ASPH: variants seen among roughly 807,000 people sequenced by gnomAD.
ASPH encodes aspartyl/asparaginyl beta-hydroxylase.
ASPH carries 100 observed loss-of-function variants against 118.4 expected under a neutral mutation model. That is an observed-to-expected ratio of 0.84 (90% CI 0.72 to 1.00). The LOEUF (loss-of-function observed/expected upper bound fraction) is 1.00, where lower values mean the gene tolerates loss of function less well. ASPH is among the 50% of genes least tolerant of loss of function. ASPH has a pLI of 0.00. For missense variants in ASPH, 920 were observed against 919.5 expected, an observed-to-expected ratio of 1.00 and a Z score of -0.01; for synonymous variants, 315 against 325.6, an observed-to-expected ratio of 0.97 and a Z score of 0.35.
intron 3 of ASPH, chr8:61,668,311 C>G (rs765169760): frequency 3.2e-6 from 5 of 1,554,848 alleles, no homozygotes; most frequent in Non-Finnish European, 4.4e-6. Context: ...AGGTTATAAA[C>G]AGAAAATTTA....
intron 3 of ASPH, chr8:61,676,324 A>T: frequency 6.3e-7 from 1 of 1,576,032 alleles, no homozygotes; most frequent in Non-Finnish European, 8.6e-7. Flanking sequence ...TCAGGCCTAC[A>T]TAAGAATAAA....
chr8:61,639,216 G>A (rs1803902328), intron 10 of ASPH, among the ~76,000 whole-genome samples: 1 of 152,058 alleles, frequency 6.6e-6, no homozygotes, highest in Admixed American at 6.5e-5. Context: ...ACTTAAAAAT[G>A]CAATACCACT....
chr8:61,643,810 TG>T (rs1266671694), intron 8 of ASPH, 134 bp downstream of exon 8: 1 of 735,652 alleles, frequency 1.4e-6, no homozygotes, highest in African/African-American at 1.8e-5. Flanking sequence ...TATAAACATC[TG>T]ACCAATCAAA....
chr8:61,620,264 C>G (rs548027182), intron 13 of ASPH, among the ~76,000 whole-genome samples: 10 of 152,274 alleles, frequency 6.6e-5, no homozygotes, highest in Admixed American at 3.3e-4. Flanking sequence ...TTACCTCCCT[C>G]TTTGTGCATA....
chr8:61,683,953 C>T, intron 2 of ASPH, 86 bp downstream of exon 2: 2 of 1,465,842 alleles, frequency 1.4e-6, no homozygotes, highest in East Asian at 4.5e-5. Flanking sequence ...TTACCAGTAC[C>T]AGAAAGATGA....
chr8:61,590,192 G>A (rs980189159), intron 14 of ASPH, among the ~76,000 whole-genome samples: 1 of 151,954 alleles, frequency 6.6e-6, no homozygotes, highest in Non-Finnish European at 1.5e-5. Flanking sequence ...TGTAGATATT[G>A]CTCAGGGATC....
At chr8:61,533,044 A>C (rs1281953951) in intron 21 of ASPH, among the ~76,000 whole-genome samples, 1 of 150,240 alleles carries the variant, frequency 6.7e-6, no homozygotes, top group Non-Finnish European at 1.5e-5. Flanking sequence ...CAACCTGAAA[A>C]CTCACATTTT....
intron 3 of ASPH, among the ~76,000 whole-genome samples, chr8:61,671,170 G>A (rs184361553): frequency 6.6e-6 from 1 of 152,276 alleles, no homozygotes. Context: ...AAAACCACAA[G>A]GCAGGTACGA....
At position 61,549,164 on chromosome 8, in the gene ASPH, A is replaced by G. The variant is rs761456679; in HGVS notation, c.1627-956T>C. ...AAATAAGCATTTCATAGTAACTTGAATATCTTCTTTGTAAATCACCAGATA... is the reference window on the plus strand; with the variant it reads ...AAATAAGCATTTCATAGTAACTTGAGTATCTTCTTTGTAAATCACCAGATA... On this transcript the variant is annotated intron_variant, in intron 20 of 24. Transcript: ENST00000379454. Among the ~76,000 whole-genome samples, 5 of 152,356 alleles carry G rather than the reference A, an allele frequency of 3.3e-5. No homozygotes were observed. The South Asian group carries it at 6.2e-4, about 19-fold the overall frequency.
At chr8:61,684,005 T>C in intron 2 of ASPH, 34 bp downstream of exon 2, 4 of 1,607,224 alleles carry the variant, frequency 2.5e-6, no homozygotes, top group Non-Finnish European at 3.4e-6. Context: ...ACTTACTCTC[T>C]TACAAATTCA....
intron 3 of ASPH, chr8:61,665,522 T>C: frequency 1.3e-6 from 2 of 1,570,766 alleles, no homozygotes; most frequent in Non-Finnish European, 1.7e-6. Context: ...TTTCTTCCCC[T>C]TTTTTCTCTC....
intron 3 of ASPH, among the ~76,000 whole-genome samples, chr8:61,653,979 A>G (rs1277583229): frequency 1.3e-5 from 2 of 152,186 alleles, no homozygotes; most frequent in African/African-American, 4.8e-5. Flanking sequence ...TTTTGTTTTC[A>G]TAAGCGATTA....
At chr8:61,613,120 A>C (rs1847976304) in intron 14 of ASPH, among the ~76,000 whole-genome samples, 1 of 152,222 alleles carries the variant, frequency 6.6e-6, no homozygotes. Context: ...AAGCCATGGT[A>C]CCCAGATATT....
chr8:61,700,350 C>A (rs2151858435), intron 1 of ASPH, among the ~76,000 whole-genome samples: 1 of 152,310 alleles, frequency 6.6e-6, no homozygotes, highest in South Asian at 2.1e-4. Context: ...TCCTGCCCTG[C>A]TGCAAAGGGG....
At chr8:61,589,976 G>C (rs1043762394) in intron 14 of ASPH, among the ~76,000 whole-genome samples, 2 of 152,080 alleles carry the variant, frequency 1.3e-5, no homozygotes, top group African/African-American at 2.4e-5. Context: ...CCAGAGGAGA[G>C]AGTATTTATT....
intron 1 of ASPH, among the ~76,000 whole-genome samples, chr8:61,690,407 G>A (rs575915522): frequency 1.3e-5 from 2 of 152,256 alleles, no homozygotes; most frequent in African/African-American, 4.8e-5. Context: ...TGGGAGGTGA[G>A]GAGAGGGAAA....
chr8:61,637,776 C>A (rs1422279439), intron 12 of ASPH, among the ~76,000 whole-genome samples, 171 bp downstream of exon 12: 1 of 152,192 alleles, frequency 6.6e-6, no homozygotes, highest in African/African-American at 2.4e-5. Context: ...ATCTGTTTGG[C>A]CACTGGAATG....
At chr8:61,692,196 A>G (rs1832805354) in intron 1 of ASPH, among the ~76,000 whole-genome samples, 1 of 152,234 alleles carries the variant, frequency 6.6e-6, no homozygotes, top group African/African-American at 2.4e-5. Context: ...GACATACCTG[A>G]TATTTTAGAT....
chr8:61,600,860 T>C (rs948581531), intron 14 of ASPH, among the ~76,000 whole-genome samples: 5 of 151,064 alleles, frequency 3.3e-5, no homozygotes, highest in African/African-American at 4.9e-5. Context: ...ACTTCAAATA[T>C]AAAGACAAAT....
Sources: gnomAD v4.1 joint callset for allele counts (sites outside exome capture counted in the v4.1 genomes callset) on GRCh38, gnomAD v4.1.1 for gene constraint, MANE v1.5 for transcripts, NCBI Gene and HGNC (gene_info 2026-07-23, HGNC 2026-07-21) for gene names.